Variants in SNX18 observed in about 807,000 individuals in gnomAD.
SNX18 encodes the protein sorting nexin-18.
A neutral mutation model predicts 48.7 loss-of-function variants in SNX18; 35 were observed. That is an observed-to-expected ratio of 0.72 (90% CI 0.55 to 0.95). SNX18 has a LOEUF of 0.95. SNX18 is among the 40% of genes least tolerant of loss of function. The pLI, the probability that SNX18 is intolerant of heterozygous loss-of-function variation, is 0.00. For synonymous variants in SNX18, 492 were observed against 384.7 expected (o/e 1.28, Z -3.26); for missense variants, 824 against 871.0 (o/e 0.95, Z 0.68).
At chr5:54,557,486 T>C in the SNX18 span, among the ~76,000 whole-genome samples, 1 of 152,172 alleles carries the variant, frequency 6.6e-6, no homozygotes, top group Admixed American at 6.5e-5. Context: ...GAAAGAGGAA[T>C]CTAAAAGATC....
At chr5:54,586,658 G>A in the SNX18 span, among the ~76,000 whole-genome samples, 427 of 152,272 alleles carry the variant, frequency 2.8e-3, 1 homozygote, top group African/African-American at 9.0e-3. Flanking sequence ...ATTCATGAGC[G>A]CGGAGCCCTT....
At chr5:54,582,260 CTATTA>C in the SNX18 span, among the ~76,000 whole-genome samples, 7 of 152,254 alleles carry the variant, frequency 4.6e-5, no homozygotes, top group Admixed American at 2.0e-4. Flanking sequence ...CCTTTTTCCT[CTATTA>C]TATTTCTTGA....
chr5:54,605,477 T>C, the SNX18 span, among the ~76,000 whole-genome samples: 1 of 152,220 alleles, frequency 6.6e-6, no homozygotes, highest in East Asian at 1.9e-4. Flanking sequence ...AATCATCTTC[T>C]TGGAGTAAAT....
the SNX18 span, among the ~76,000 whole-genome samples, chr5:54,551,803 C>G: frequency 3.9e-5 from 6 of 152,286 alleles, no homozygotes; most frequent in East Asian, 9.6e-4. Flanking sequence ...CTATCCTATC[C>G]TACACTTTCT....
At chr5:54,522,822 C>G (rs1301015592) in intron 1 of SNX18, among the ~76,000 whole-genome samples, 1 of 152,106 alleles carries the variant, frequency 6.6e-6, no homozygotes, top group African/African-American at 2.4e-5. Context: ...AATACTGAAC[C>G]CATTCTTTAA....
chr5:54,641,181 CAG>C, the SNX18 span, among the ~76,000 whole-genome samples: 2 of 152,268 alleles, frequency 1.3e-5, no homozygotes, highest in African/African-American at 2.4e-5. Flanking sequence ...TGTTCTTCAC[CAG>C]AGTCAGGCCA....
the SNX18 span, among the ~76,000 whole-genome samples, chr5:54,580,667 G>A: frequency 6.6e-6 from 1 of 152,090 alleles, no homozygotes; most frequent in African/African-American, 2.4e-5. Flanking sequence ...AAAGAAAAAT[G>A]GATCCTCCTT....
the SNX18 span, among the ~76,000 whole-genome samples, chr5:54,559,355 A>C: frequency 3.3e-5 from 5 of 152,202 alleles, no homozygotes; most frequent in Admixed American, 2.6e-4. Flanking sequence ...AAAACAGCAT[A>C]GTACTGCTAC....
chr5:54,582,189 T>G, the SNX18 span, among the ~76,000 whole-genome samples: 1 of 152,194 alleles, frequency 6.6e-6, no homozygotes, highest in African/African-American at 2.4e-5. Flanking sequence ...TTGTTAGAAA[T>G]TAAGAGAGAA....
chr5:54,517,833 G>A lies in SNX18; in HGVS notation c.-120G>A, dbSNP rs1330412517. ...GCGACCGGCTGGTCCGGGCAGCGTG[G>A]GTTTGCCGCCTTCGGGGCTCCAGTC... On this transcript the variant is annotated 5_prime_UTR_variant, in exon 1 of 2. Coordinates refer to ENST00000381410, the MANE Select transcript of SNX18 (RefSeq NM_001102575.2). The A allele has an allele frequency of 9.0e-7, 1 of 1,117,154 alleles. No homozygotes were observed. The highest frequency in any genetic ancestry group is 1.6e-5 in the African/African-American group (1 of 60,694). The allele number at this position is 1,117,154 out of a possible 1,614,324, so 69.2% of individuals were successfully genotyped here.
the SNX18 span, among the ~76,000 whole-genome samples, chr5:54,621,116 T>C: frequency 6.6e-6 from 1 of 152,222 alleles, no homozygotes; most frequent in Non-Finnish European, 1.5e-5. Context: ...TCTCTCATTC[T>C]GGTGTGACTG....
At chr5:54,636,362 G>A in the SNX18 span, among the ~76,000 whole-genome samples, 1 of 136,212 alleles carries the variant, frequency 7.3e-6, no homozygotes, top group African/African-American at 2.9e-5. Context: ...AGTCTTCCTG[G>A]TGCAACTTTT....
chr5:54,528,443 G>C lies in SNX18; in HGVS notation c.1621+8870G>C, dbSNP rs544370832. Among the ~76,000 whole-genome samples, 6 of 152,282 alleles carry C rather than the reference G, an allele frequency of 3.9e-5. No homozygotes were observed. In the South Asian group the frequency reaches 1.2e-3, roughly 32 times the overall value. Reference sequence around the variant, plus strand: ...TGCATGGGAGTCCAGGTGATAGAGAGGAATTGTCAGTTTGTGTTAGAGGCT... The same window carrying C: ...TGCATGGGAGTCCAGGTGATAGAGACGAATTGTCAGTTTGTGTTAGAGGCT... On this transcript the variant is annotated intron_variant, in intron 1 of 1. Transcript: ENST00000381410.
rs1761896063 is a variant in SNX18, at chr5:54,517,911, G to T, written c.-42G>T. The T allele has an allele frequency of 1.4e-6, 2 of 1,469,818 alleles. No homozygotes were observed. The highest frequency in any genetic ancestry group is 2.9e-5 in the East Asian group (1 of 34,246). The allele number at this position is 1,469,818 out of a possible 1,614,324, so 91.0% of individuals were successfully genotyped here. A position where few individuals can be genotyped will look rare whatever the true frequency, so the allele number is the denominator to read the frequency against. ...GGGCCCCTCAGGTGGGCCTCGGCTC[G>T]GGACGCCGGGAGTCGGGACCGCCAG... On this transcript the variant is annotated 5_prime_UTR_variant, in exon 1 of 2. Coordinates refer to ENST00000381410, the MANE Select transcript of SNX18 (RefSeq NM_001102575.2).
the SNX18 span, among the ~76,000 whole-genome samples, chr5:54,571,276 G>A: frequency 6.6e-6 from 1 of 152,266 alleles, no homozygotes; most frequent in South Asian, 2.1e-4. Flanking sequence ...CAGCAGGCGA[G>A]GCTGTCCACT....
rs1363080688 is a variant in SNX18, at chr5:54,518,008, T to C, written c.56T>C (p.Ile19Thr). Residue 19 changes from isoleucine (I) to threonine (T), a missense_variant, in exon 1 of 2, where the codon ATC becomes ACC. Around this residue, in one of 3 missense-constraint regions of SNX18, gnomAD observed 377 missense variants for 350.6 expected, o/e 1.08. Transcript: ENST00000381410. ...YDFRSENPGE[I>T]SLREHEVLSL... The stretch of plus-strand genomic sequence containing the variant: ...TTCAGGTCGGAGAACCCAGGAGAGA[T>C]CTCGCTGCGAGAGCACGAGGTGCTG... The C allele has an allele frequency of 6.5e-7, 1 of 1,546,806 alleles. No homozygotes were observed. The highest frequency in any genetic ancestry group is 1.4e-5 in the African/African-American group (1 of 70,836).
the SNX18 span, among the ~76,000 whole-genome samples, chr5:54,578,846 A>T: frequency 6.6e-6 from 1 of 152,106 alleles, no homozygotes; most frequent in Non-Finnish European, 1.5e-5. Context: ...TACACACTGG[A>T]CTCAATCCTA....
chr5:54,561,592 G>A, the SNX18 span, among the ~76,000 whole-genome samples: 1 of 131,524 alleles, frequency 7.6e-6, no homozygotes, highest in Non-Finnish European at 1.6e-5. Flanking sequence ...CTCTCTCCTT[G>A]GCCTCCCAAA....
intron 1 of SNX18, 178 bp downstream of exon 1, chr5:54,519,751 G>A: frequency 6.2e-7 from 1 of 1,614,186 alleles, no homozygotes; most frequent in South Asian, 1.1e-5. Flanking sequence ...TCGACAGGCA[G>A]CTTCCTCCTC....
Sources: allele counts gnomAD v4.1 joint callset (sites outside exome capture counted in the v4.1 genomes callset), GRCh38; gene constraint gnomAD v4.1.1; regional missense constraint gnomAD v4.1.1; transcripts MANE v1.5; gene names NCBI Gene and HGNC (gene_info 2026-07-23, HGNC 2026-07-21).